Variants in OARD1 observed in about 807,000 individuals in gnomAD.
The protein encoded by OARD1 is O-acyl-ADP-ribose deacylase 1, also known as ADP-ribose glycohydrolase OARD1.
Under a neutral mutation model 19.7 loss-of-function variants are expected in OARD1, and 19 were observed. That is an observed-to-expected ratio of 0.96 (90% CI 0.67 to 1.41). The LOEUF is 1.41. Among genes scored for constraint, OARD1 ranks in the 40% most tolerant of loss-of-function variants. The pLI is 0.00. For synonymous variants in OARD1, 70 were observed against 61.8 expected, an observed-to-expected ratio of 1.13 and a Z score of -0.62; for missense variants, 190 against 183.8, an observed-to-expected ratio of 1.03 and a Z score of -0.20.
chr6:41,083,500 C>T (rs1763963819), intron 1 of OARD1, among the ~76,000 whole-genome samples: 1 of 152,182 alleles, frequency 6.6e-6, no homozygotes. Flanking sequence ...TTTGACATTT[C>T]ATTTTAGCTT....
chr6:41,079,800 A>G (rs531036499), intron 1 of OARD1, among the ~76,000 whole-genome samples: 4 of 152,318 alleles, frequency 2.6e-5, no homozygotes, highest in Admixed American at 2.6e-4. Context: ...TTATGTTTCT[A>G]TTTGACCTTA....
rs149392962 is a variant in OARD1, at chr6:41,068,568, T to C, written c.356+273A>G. Among the ~76,000 whole-genome samples the C allele has an allele frequency of 4.0e-3, 614 of 152,372 alleles. 11 individuals carry two copies. In the South Asian group the frequency reaches 0.061, roughly 15 times the overall value. Reference sequence around the variant, plus strand: ...GAGGGTGCTGAGAATTCAACAAATGTAGCTGAATGACAATGGTCGCTCTCT... The same window carrying C: ...GAGGGTGCTGAGAATTCAACAAATGCAGCTGAATGACAATGGTCGCTCTCT... On this transcript the variant is annotated intron_variant, in intron 5 of 5. Transcript: ENST00000424266.
chr6:41,069,217 G>A, intron 4 of OARD1: 1 of 265,446 alleles, frequency 3.8e-6, no homozygotes. Flanking sequence ...ATTAGCAGAT[G>A]ATGCCTATTG....
chr6:41,071,859 G>A, intron 1 of OARD1, 184 bp from the exon 2 acceptor site: 2 of 539,020 alleles, frequency 3.7e-6, no homozygotes, highest in East Asian at 5.8e-5. Context: ...CTTAGGTTCG[G>A]AGGCTGTCTC....
At chr6:41,089,409 T>C (rs1764138425) in intron 1 of OARD1, among the ~76,000 whole-genome samples, 1 of 152,256 alleles carries the variant, frequency 6.6e-6, no homozygotes, top group Non-Finnish European at 1.5e-5. Flanking sequence ...CCTATTTGTT[T>C]CATAAATGGA....
upstream of OARD1, among the ~76,000 whole-genome samples, chr6:41,074,020 G>A (rs1329003238): frequency 1.3e-5 from 2 of 151,706 alleles, no homozygotes; most frequent in Non-Finnish European, 2.9e-5. Context: ...TCCGGAGGCT[G>A]CACAACTTGC....
intron 1 of OARD1, chr6:41,084,039 A>C (rs1763978848): frequency 6.3e-7 from 1 of 1,586,848 alleles, no homozygotes; most frequent in Non-Finnish European, 8.6e-7. Context: ...ATTTTATTTC[A>C]TTCTAGGTCC....
chr6:41,065,399 A>T lies in OARD1; in HGVS notation c.*1936T>A, dbSNP rs927745340. 1 of 152,210 alleles carries T rather than the reference A, an allele frequency of 6.6e-6. No homozygotes were observed. The highest frequency in any genetic ancestry group is 2.4e-5 in the African/African-American group (1 of 41,448). The allele number at this position is 152,210 out of a possible 1,614,324, so 9.4% of individuals were successfully genotyped here. ...ACCCTTCAACTGAACTCAACTTAAG[A>T]TGGGGTTACCCAGACATAGACCTAA... On this transcript the variant is annotated 3_prime_UTR_variant, in exon 6 of 6. Coordinates refer to ENST00000424266, the MANE Select transcript of OARD1 (RefSeq NM_001329686.2).
intron 1 of OARD1, among the ~76,000 whole-genome samples, chr6:41,093,581 C>G (rs1764256641): frequency 6.6e-6 from 1 of 152,116 alleles, no homozygotes; most frequent in Admixed American, 6.5e-5. Context: ...AGTGATTCTC[C>G]TGCCTCAGCC....
intron 1 of OARD1, among the ~76,000 whole-genome samples, chr6:41,087,581 G>A (rs2113807303): frequency 6.6e-6 from 1 of 152,268 alleles, no homozygotes; most frequent in East Asian, 1.9e-4. Context: ...TGGAATTAAT[G>A]GTCAAAGAAG....
intron 1 of OARD1, among the ~76,000 whole-genome samples, chr6:41,078,682 T>C (rs1763811023): frequency 6.6e-6 from 1 of 152,184 alleles, no homozygotes; most frequent in Non-Finnish European, 1.5e-5. Flanking sequence ...TAAAGAAGCT[T>C]TATTCTCTAA....
intron 4 of OARD1, 150 bp downstream of exon 4, chr6:41,069,926 T>C (rs1763236902): frequency 4.2e-6 from 3 of 718,796 alleles, no homozygotes; most frequent in East Asian, 5.2e-5. Context: ...GGACTGGAGT[T>C]GTCATAAGAT....
At chr6:41,076,565 T>C (rs1763737439), upstream of OARD1, among the ~76,000 whole-genome samples, 1 of 152,192 alleles carries the variant, frequency 6.6e-6, no homozygotes, top group African/African-American at 2.4e-5. Flanking sequence ...GTTGGCTAAG[T>C]CTCAGCTTTT....
rs1763003218 is a variant in OARD1, at chr6:41,066,230, C to T, written c.*1105G>A. 3 of 152,184 alleles carry T rather than the reference C, an allele frequency of 2.0e-5. No homozygotes were observed. The highest frequency in any genetic ancestry group is 2.0e-4 in the Admixed American group (3 of 15,272). The allele number at this position is 152,184 out of a possible 1,614,324, so 9.4% of individuals were successfully genotyped here. A position where few individuals can be genotyped will look rare whatever the true frequency, so the allele number is the denominator to read the frequency against. ...CAACTTCAACCTCCCAGGCTCAAGC[C>T]ATCCTCCCGCCTCAACCTCTAGAGT... On this transcript the variant is annotated 3_prime_UTR_variant, in exon 6 of 6. Transcript: ENST00000424266.
At chr6:41,088,102 A>G (rs549442760) in intron 1 of OARD1, among the ~76,000 whole-genome samples, 5 of 152,210 alleles carry the variant, frequency 3.3e-5, no homozygotes, top group Non-Finnish European at 4.4e-5. Context: ...ATAACAAATT[A>G]TCCTAGAAGT....
intron 1 of OARD1, among the ~76,000 whole-genome samples, chr6:41,086,398 T>A (rs1000511812): frequency 6.6e-6 from 1 of 152,152 alleles, no homozygotes; most frequent in African/African-American, 2.4e-5. Context: ...TTTCCCTGCT[T>A]CCAAGTAGGG....
chr6:41,080,692 T>G, intron 1 of OARD1: 1 of 754,262 alleles, frequency 1.3e-6, no homozygotes, highest in Non-Finnish European at 2.3e-6. Flanking sequence ...AGGGAGTCTG[T>G]ACATTTTGAA....
chr6:41,092,278 G>A (rs1764215843), intron 1 of OARD1, among the ~76,000 whole-genome samples: 1 of 152,226 alleles, frequency 6.6e-6, no homozygotes, highest in South Asian at 2.1e-4. Flanking sequence ...TGTAGTCCTA[G>A]CTACTTGGGA....
At chr6:41,097,497 T>A in intron 1 of OARD1, 2 of 1,403,008 alleles carry the variant, frequency 1.4e-6, no homozygotes, top group Middle Eastern at 1.8e-4. Flanking sequence ...ACATTGATGA[T>A]CACATTCTGC....
Sources: gnomAD v4.1 joint callset for allele counts (sites outside exome capture counted in the v4.1 genomes callset) on GRCh38, gnomAD v4.1.1 for gene constraint, MANE v1.5 for transcripts, NCBI Gene and HGNC (gene_info 2026-07-23, HGNC 2026-07-21) for gene names.